The following RBFOX1 variants were observed in gnomAD, a reference collection of about 807,000 sequenced individuals.
RBFOX1 encodes the protein RNA binding fox-1 homolog 1.
A neutral mutation model predicts 57.7 loss-of-function variants in RBFOX1; 8 were observed. The ratio of observed to expected loss-of-function variants is 0.14; its 90% CI spans 0.08 to 0.25. RBFOX1 has a LOEUF of 0.25. RBFOX1 is among the 10% of genes least tolerant of loss of function. The pLI is 1.00. For synonymous variants in RBFOX1, 326 were observed against 222.4 expected, an observed-to-expected ratio of 1.47 and a Z score of -4.15; for missense variants, 611 against 548.5, an observed-to-expected ratio of 1.11 and a Z score of -1.14.
chr16:6,944,071 C>T (rs940451777), intron 3 of RBFOX1, among the ~76,000 whole-genome samples: 9 of 152,084 alleles, frequency 5.9e-5, no homozygotes, highest in Admixed American at 3.3e-4. Flanking sequence ...AGCCTGAAAC[C>T]TGTGGCTCAG....
intron 2 of RBFOX1, among the ~76,000 whole-genome samples, chr16:6,482,581 G>A (rs1597892174): frequency 6.6e-6 from 1 of 152,210 alleles, no homozygotes; most frequent in Non-Finnish European, 1.5e-5. Context: ...AATTTCAACA[G>A]AGACGACAGT....
intron 13 of RBFOX1, among the ~76,000 whole-genome samples, chr16:7,675,189 A>G (rs954917417): frequency 6.6e-6 from 1 of 152,156 alleles, no homozygotes; most frequent in Non-Finnish European, 1.5e-5. Flanking sequence ...AACAAGCTAT[A>G]TAGAAAAATG....
At chr16:7,405,059 C>G (rs2098314956) in intron 4 of RBFOX1, among the ~76,000 whole-genome samples, 1 of 152,180 alleles carries the variant, frequency 6.6e-6, no homozygotes, top group Admixed American at 6.5e-5. Context: ...GGTGTGTTTT[C>G]AAAGCTGGGC....
At chr16:5,706,496 C>T (rs1596861002) in intron 3 of RBFOX1, among the ~76,000 whole-genome samples, 2 of 152,176 alleles carry the variant, frequency 1.3e-5, no homozygotes, top group Admixed American at 6.5e-5. Context: ...GTTGAAAACA[C>T]GTCCTGGGTG....
rs188386654 is a variant in RBFOX1 at position 6,310,967 on chromosome 16, T to C, written c.-126-6028T>C. Among the ~76,000 whole-genome samples the C allele has an allele frequency of 1.1e-4, 16 of 151,956 alleles. No individual in the cohort carries two copies. In the East Asian group the frequency reaches 2.7e-3, roughly 26 times the overall value. ...AAACAAGTAGTGCACAGGCACAGTG[T>C]TATCAGAGATGCTAGGACATTTCAA... On this transcript the variant is annotated intron_variant, in intron 1 of 15. Transcript: ENST00000550418.
intron 4 of RBFOX1, 37 bp downstream of exon 4, chr16:7,052,135 C>A (rs745385730): frequency 6.3e-7 from 1 of 1,581,334 alleles, no homozygotes; most frequent in Non-Finnish European, 8.5e-7. Flanking sequence ...TCCTGATTCT[C>A]ATTTTTGTGT....
chr16:6,610,382 C>T (rs2098027200), intron 2 of RBFOX1, among the ~76,000 whole-genome samples: 2 of 151,958 alleles, frequency 1.3e-5, no homozygotes, highest in Admixed American at 1.3e-4. Flanking sequence ...GGCTGGAGTG[C>T]AGTGGTGCAA....
intron 1 of RBFOX1, among the ~76,000 whole-genome samples, chr16:6,220,828 T>G (rs2097368345): frequency 6.6e-6 from 1 of 152,160 alleles, no homozygotes; most frequent in Non-Finnish European, 1.5e-5. Flanking sequence ...ATTTTTTAAT[T>G]TATGTGCCTA....
chr16:6,915,306 G>C (rs1305602470), intron 3 of RBFOX1, among the ~76,000 whole-genome samples: 1 of 152,072 alleles, frequency 6.6e-6, no homozygotes, highest in Non-Finnish European at 1.5e-5. Context: ...TCTGTGTTGC[G>C]GACTAGGGAG....
At chr16:5,679,999 A>G (rs1327020982) in intron 3 of RBFOX1, among the ~76,000 whole-genome samples, 2 of 152,372 alleles carry the variant, frequency 1.3e-5, no homozygotes, top group Non-Finnish European at 2.9e-5. Context: ...ACAAAGGAAT[A>G]TCTCCCTATG....
intron 3 of RBFOX1, among the ~76,000 whole-genome samples, chr16:5,681,825 A>G (rs2050348559): frequency 6.6e-6 from 1 of 152,180 alleles, no homozygotes; most frequent in Non-Finnish European, 1.5e-5. Context: ...TGAGATATTA[A>G]TATACGGGAG....
intron 2 of RBFOX1, among the ~76,000 whole-genome samples, chr16:6,649,839 T>C (rs986081789): frequency 6.6e-6 from 1 of 152,204 alleles, no homozygotes; most frequent in Non-Finnish European, 1.5e-5. Context: ...TATATATGTA[T>C]AGTATATTAT....
rs141423329 is a variant in RBFOX1 at position 7,620,495 on chromosome 16, G to A, written c.677-10108G>A. 4.4e-4 allele frequency among the ~76,000 whole-genome samples: 67 copies of A among 152,298 alleles called. 1 individual carries two copies. In the East Asian group the frequency reaches 0.011, roughly 25 times the overall value. ...TGTCTTATTTCAATCTTGCAAGTAG[G>A]ATTTTTCTTATCTGTAGAAGATACA... On this transcript the variant is annotated intron_variant, in intron 10 of 15. Transcript: ENST00000550418.
intron 7 of RBFOX1, among the ~76,000 whole-genome samples, chr16:7,590,523 A>T (rs1013369608): frequency 2.0e-5 from 3 of 152,018 alleles, no homozygotes; most frequent in Non-Finnish European, 4.4e-5. Context: ...GATATGGTCT[A>T]TTTAAGGGCT....
chr16:5,265,198 A>G (rs2062828606), intron 1 of RBFOX1, among the ~76,000 whole-genome samples: 1 of 152,230 alleles, frequency 6.6e-6, no homozygotes, highest in South Asian at 2.1e-4. Flanking sequence ...TTATTTTATC[A>G]GCTCCTAACA....
chr16:5,460,287 A>G (rs1052604072), intron 1 of RBFOX1, among the ~76,000 whole-genome samples: 4 of 152,162 alleles, frequency 2.6e-5, no homozygotes, highest in Admixed American at 2.6e-4. Context: ...TGTTTTCATG[A>G]TTGTTGAAGC....
chr16:7,134,633 G>A (rs1270776554), intron 4 of RBFOX1, among the ~76,000 whole-genome samples: 1 of 152,122 alleles, frequency 6.6e-6, no homozygotes, highest in Admixed American at 6.6e-5. Flanking sequence ...TCCAGAAAAT[G>A]ATCGTTGAAG....
chr16:6,895,383 C>T (rs1402094345), intron 3 of RBFOX1, among the ~76,000 whole-genome samples: 3 of 147,034 alleles, frequency 2.0e-5, no homozygotes, highest in African/African-American at 7.5e-5. Context: ...GGTTTACCCT[C>T]TTCGTCTGCC....
At chr16:6,896,889 T>G (rs776463551) in intron 3 of RBFOX1, among the ~76,000 whole-genome samples, 6 of 152,062 alleles carry the variant, frequency 3.9e-5, no homozygotes, top group Non-Finnish European at 8.8e-5. Flanking sequence ...TTAGGGAATT[T>G]AGGTGACATT....
Sources: gnomAD v4.1 joint callset for allele counts (sites outside exome capture counted in the v4.1 genomes callset) on GRCh38, gnomAD v4.1.1 for gene constraint, MANE v1.5 for transcripts, NCBI Gene and HGNC (gene_info 2026-07-23, HGNC 2026-07-21) for gene names.